ARHGAP10: variants seen among roughly 807,000 people sequenced by gnomAD.
The protein encoded by ARHGAP10 is Rho GTPase activating protein 10, also known as rho GTPase-activating protein 10.
Under a neutral mutation model 108.6 loss-of-function variants are expected in ARHGAP10, and 87 were observed. The ratio of observed to expected loss-of-function variants is 0.80; its 90% CI spans 0.67 to 0.96. ARHGAP10 has a LOEUF of 0.96. Ranked by LOEUF, ARHGAP10 falls within the 40% of genes least tolerant of loss-of-function variation. The pLI, the probability that ARHGAP10 is intolerant of heterozygous loss-of-function variation, is 0.00. For synonymous variants in ARHGAP10, 347 were observed against 341.1 expected (o/e 1.02, Z -0.19); for missense variants, 939 against 954.5 (o/e 0.98, Z 0.21).
At chr4:148,005,338 C>T (rs1472561875) in intron 18 of ARHGAP10, among the ~76,000 whole-genome samples, 1 of 152,050 alleles carries the variant, frequency 6.6e-6, no homozygotes, top group Non-Finnish European at 1.5e-5. Flanking sequence ...AATCTGATCA[C>T]TTTGAGGGCT....
At chr4:147,803,844 A>G (rs1731674207) in intron 1 of ARHGAP10, among the ~76,000 whole-genome samples, 1 of 152,154 alleles carries the variant, frequency 6.6e-6, no homozygotes, top group African/African-American at 2.4e-5. Flanking sequence ...CCATTGATGG[A>G]CACTTAAGTT....
intron 1 of ARHGAP10, among the ~76,000 whole-genome samples, chr4:147,747,163 T>C (rs887749174): frequency 6.6e-6 from 1 of 152,106 alleles, no homozygotes; most frequent in Non-Finnish European, 1.5e-5. Context: ...TCTTTTTTTT[T>C]TTTCCCCCAA....
chr4:147,835,561 A>G (rs1165153076), intron 3 of ARHGAP10, among the ~76,000 whole-genome samples: 1 of 152,086 alleles, frequency 6.6e-6, no homozygotes, highest in East Asian at 1.9e-4. Flanking sequence ...TTTAGTAGAG[A>G]CAGGGTTTCA....
intron 18 of ARHGAP10, among the ~76,000 whole-genome samples, chr4:147,967,092 A>C (rs1739232329): frequency 6.6e-6 from 1 of 152,242 alleles, no homozygotes. Context: ...ATGTAAGTGA[A>C]TATCAAGGCA....
At chr4:147,802,540 T>C (rs938246588) in intron 1 of ARHGAP10, among the ~76,000 whole-genome samples, 2 of 152,240 alleles carry the variant, frequency 1.3e-5, no homozygotes, top group Non-Finnish European at 2.9e-5. Context: ...AGCCTCTCTG[T>C]CCTCAGCAGA....
chr4:147,765,046 A>G (rs771079897), intron 1 of ARHGAP10, among the ~76,000 whole-genome samples: 21 of 152,162 alleles, frequency 1.4e-4, no homozygotes, highest in Non-Finnish European at 1.9e-4. Context: ...TCTGAAGTCA[A>G]CTCATAACCT....
chr4:147,800,442 C>T (rs183212433), intron 1 of ARHGAP10, among the ~76,000 whole-genome samples: 98 of 152,222 alleles, frequency 6.4e-4, no homozygotes, highest in Non-Finnish European at 1.3e-3. Flanking sequence ...CGAGGCTCCC[C>T]TAGTTATTGT....
At chr4:147,908,212 A>G (rs978782921) in intron 11 of ARHGAP10, among the ~76,000 whole-genome samples, 4 of 152,168 alleles carry the variant, frequency 2.6e-5, no homozygotes, top group African/African-American at 9.7e-5. Context: ...TACAGTGTTT[A>G]TGGTTACTGA....
intron 1 of ARHGAP10, among the ~76,000 whole-genome samples, chr4:147,804,677 T>C (rs926485776): frequency 6.6e-6 from 1 of 152,254 alleles, no homozygotes; most frequent in Admixed American, 6.5e-5. Context: ...TGGTAGCCAT[T>C]GTGACTGATG....
At chr4:147,773,147 TAG>T (rs1478840854) in intron 1 of ARHGAP10, among the ~76,000 whole-genome samples, 1 of 152,230 alleles carries the variant, frequency 6.6e-6, no homozygotes, top group Non-Finnish European at 1.5e-5. Flanking sequence ...ATTGTCAAGA[TAG>T]AGTTATTTGA....
At chr4:147,798,856 C>T (rs1423970233) in intron 1 of ARHGAP10, among the ~76,000 whole-genome samples, 1 of 145,222 alleles carries the variant, frequency 6.9e-6, no homozygotes. Flanking sequence ...TGTGCTACTT[C>T]CTTTAGTCTC....
intron 1 of ARHGAP10, among the ~76,000 whole-genome samples, chr4:147,747,835 A>G (rs1056482841): frequency 6.6e-6 from 1 of 152,216 alleles, no homozygotes; most frequent in South Asian, 2.1e-4. Flanking sequence ...AAGACTGAAG[A>G]CTAAAGACCT....
At chr4:147,968,716 C>T (rs1014656423) in intron 18 of ARHGAP10, among the ~76,000 whole-genome samples, 2 of 152,098 alleles carry the variant, frequency 1.3e-5, no homozygotes, top group African/African-American at 4.8e-5. Context: ...TTGCTAATAA[C>T]ATTCCTGACT....
At chr4:147,889,445 A>G (rs1735701522) in intron 10 of ARHGAP10, among the ~76,000 whole-genome samples, 1 of 152,144 alleles carries the variant, frequency 6.6e-6, no homozygotes, top group African/African-American at 2.4e-5. Flanking sequence ...GATTACAGGC[A>G]TACACCGCCA....
chr4:147,964,848 A>G (rs1739144830), intron 16 of ARHGAP10, among the ~76,000 whole-genome samples, 176 bp from the exon 17 acceptor site: 1 of 152,184 alleles, frequency 6.6e-6, no homozygotes, highest in Non-Finnish European at 1.5e-5. Context: ...ATAAGGAGAA[A>G]GATTTTTTTT....
chr4:147,884,775 C>T (rs2126876756), intron 10 of ARHGAP10, among the ~76,000 whole-genome samples: 1 of 152,288 alleles, frequency 6.6e-6, no homozygotes, highest in African/African-American at 2.4e-5. Context: ...AGACACCTAG[C>T]GTCACTAGTG....
At chr4:147,781,616 C>T (rs1730533269) in intron 1 of ARHGAP10, among the ~76,000 whole-genome samples, 1 of 151,314 alleles carries the variant, frequency 6.6e-6, no homozygotes, top group African/African-American at 2.4e-5. Context: ...CTAAGAATAT[C>T]GTTAATGGCT....
rs369537451 is a variant in ARHGAP10, at chr4:148,029,994, TC to T, written c.1867+6591del. On this transcript the variant is annotated intron_variant, in intron 19 of 22. Transcript: ENST00000336498. ...CAGAAACCTCCCGTGAGGCTCAGCA[TC>T]CCCCCCCCCACCAACCCCAATGCTA... Among the ~76,000 whole-genome samples the T allele has an allele frequency of 9.7e-3, 1,338 of 138,320 alleles. 22 individuals are homozygous for T. The highest frequency in any genetic ancestry group is 0.032 in the African/African-American group (1,194 of 37,164). 90.7% of individuals were successfully genotyped at this position (138,320 alleles called of 152,430 possible).
At chr4:147,953,493 TTTCAGAC>T (rs1738683801) in intron 15 of ARHGAP10, among the ~76,000 whole-genome samples, 1 of 152,044 alleles carries the variant, frequency 6.6e-6, no homozygotes, top group African/African-American at 2.4e-5. Flanking sequence ...GTCTGTGTCT[TTTCAGAC>T]ATTTGTCCAT....
Sources: gnomAD v4.1 joint callset for allele counts (sites outside exome capture counted in the v4.1 genomes callset) on GRCh38, gnomAD v4.1.1 for gene constraint, MANE v1.5 for transcripts, NCBI Gene and HGNC (gene_info 2026-07-23, HGNC 2026-07-21) for gene names.